Variants in ERI2 observed in about 807,000 individuals in gnomAD.
ERI2 encodes ERI1 exoribonuclease 2.
A neutral mutation model predicts 46.8 loss-of-function variants in ERI2; 35 were observed. The ratio of observed to expected loss-of-function variants is 0.75; its 90% CI spans 0.57 to 0.99. The LOEUF (loss-of-function observed/expected upper bound fraction) is 0.99. Among genes scored for constraint, ERI2 ranks in the 50% least tolerant of loss-of-function variants. The pLI, the probability that ERI2 is intolerant of heterozygous loss-of-function variation, is 0.00. For synonymous variants in ERI2, 224 were observed against 271.0 expected (o/e 0.83, Z 1.70); for missense variants, 695 against 796.2 (o/e 0.87, Z 1.53).
downstream of ERI2, chr16:20,791,938 A>G: frequency 1.4e-5 from 22 of 1,583,014 alleles, no homozygotes; most frequent in Non-Finnish European, 1.8e-5. Flanking sequence ...AAAAAAAAAA[A>G]AAAATTCCAA....
At chr16:20,799,548 A>G (rs1340888614) in intron 7 of ERI2, 197 bp from the exon 8 acceptor site, 1 of 577,158 alleles carries the variant, frequency 1.7e-6, no homozygotes, top group African/African-American at 1.9e-5. Context: ...CCAGTGAAAG[A>G]CAAGCTCGTC....
intron 4 of ERI2, among the ~76,000 whole-genome samples, chr16:20,802,286 G>A (rs1417874098): frequency 2.6e-5 from 4 of 151,986 alleles, no homozygotes; most frequent in Non-Finnish European, 5.9e-5. Context: ...AGGTTGCAGT[G>A]AGCCCCGCCA....
At chr16:20,799,461 A>G (rs964784040) in intron 7 of ERI2, 110 bp from the exon 8 acceptor site, 60 of 1,057,890 alleles carry the variant, frequency 5.7e-5, no homozygotes, top group Middle Eastern at 2.1e-4. Flanking sequence ...ATTGGAACAC[A>G]GTTTTAGTTT....
chr16:20,801,315 C>A lies in ERI2; in HGVS notation c.348G>T (p.Gln116His), dbSNP rs768081722. The A allele has an allele frequency of 6.8e-6, 11 of 1,609,854 alleles. No homozygotes were observed. ...EGVPLKICLSQFCKWIHKIQQ... is the reference protein window; with the variant it reads ...EGVPLKICLSHFCKWIHKIQQ... The stretch of plus-strand genomic sequence containing the variant: ...GAATCTTATGAATCCATTTACAGAA[C>A]TGAGATAAGCAAATCTTCAGAGGGA... The change falls in exon 5 of 9, where the codon CAG becomes CAT. Residue 116 changes from glutamine (Q) to histidine (H), a missense_variant. Physicochemically the swap from Gln to His is conservative, Grantham distance 24. Transcript: ENST00000357967.
At chr16:20,803,359 T>TC in intron 3 of ERI2, 74 bp downstream of exon 3, 3 of 1,495,752 alleles carry the variant, frequency 2.0e-6, no homozygotes, top group Non-Finnish European at 2.7e-6. Flanking sequence ...CTTAAACTTT[T>TC]GGCTGATTCA....
At chr16:20,804,947 A>G (rs2080839807) in intron 1 of ERI2, among the ~76,000 whole-genome samples, 1 of 152,180 alleles carries the variant, frequency 6.6e-6, no homozygotes, top group South Asian at 2.1e-4. Flanking sequence ...TTTCCTACCT[A>G]TATTTTATGG....
At chr16:20,794,512 T>G (rs1254484387), downstream of ERI2, among the ~76,000 whole-genome samples, 1 of 152,188 alleles carries the variant, frequency 6.6e-6, no homozygotes, top group Non-Finnish European at 1.5e-5. Flanking sequence ...TAAATTGAAA[T>G]AGACACACGT....
At chr16:20,792,514 C>T (rs1182652156), downstream of ERI2, 1 of 984,926 alleles carries the variant, frequency 1.0e-6, no homozygotes, top group African/African-American at 1.7e-5. Context: ...TGAGTTGCAG[C>T]TCTGATCCTA....
intron 10 of ERI2, among the ~76,000 whole-genome samples, chr16:20,783,069 T>C (rs1377925700): frequency 6.6e-6 from 1 of 152,190 alleles, no homozygotes; most frequent in Non-Finnish European, 1.5e-5. Context: ...GAGGTGAGGC[T>C]GAAAGTGCCA....
chr16:20,799,892 AT>A (rs1367348885), intron 7 of ERI2, 64 bp downstream of exon 7: 1 of 988,248 alleles, frequency 1.0e-6, no homozygotes, highest in Non-Finnish European at 1.6e-6. Context: ...TTACCAAAAA[AT>A]GAAATTCATA....
intron 10 of ERI2, among the ~76,000 whole-genome samples, chr16:20,787,145 A>G (rs1313627728): frequency 1.3e-5 from 2 of 152,222 alleles, no homozygotes; most frequent in African/African-American, 4.8e-5. Flanking sequence ...GGAACTTAAC[A>G]CTAATTTGGA....
Position 20,798,364 on chromosome 16 carries a change from G to A in ERI2, c.1436C>T (p.Pro479Leu), listed in dbSNP as rs1475944250. ...ETSKSIVYKSPHTTIYNVKEA... is the reference protein window; with the variant it reads ...ETSKSIVYKSLHTTIYNVKEA... Reference sequence around the variant, plus strand: ...TTTTACATTATAAATAGTAGTGTGAGGACTCTTGTACACAATAGACTTAGA... The same window carrying A: ...TTTTACATTATAAATAGTAGTGTGAAGACTCTTGTACACAATAGACTTAGA... Residue 479 changes from proline (P) to leucine (L), a missense_variant, in exon 9 of 9, where the codon CCT becomes CTT. Physicochemically the swap from Pro to Leu is moderately conservative, Grantham distance 98. Coordinates refer to ENST00000357967, the MANE Select transcript of ERI2 (RefSeq NM_001142725.2). The A allele has an allele frequency of 3.2e-6, 5 of 1,551,282 alleles. No individual in the cohort carries two copies. The highest frequency in any genetic ancestry group is 4.4e-6 in the Non-Finnish European group (5 of 1,146,892).
At chr16:20,801,401 C>G in intron 4 of ERI2, 42 bp from the exon 5 acceptor site, 1 of 1,533,254 alleles carries the variant, frequency 6.5e-7, no homozygotes, top group East Asian at 2.3e-5. Flanking sequence ...CAATCAAATT[C>G]CATTATTATT....
In ERI2 at chr16:20,798,317, C is replaced by G. The variant is rs199803824; in HGVS notation, c.1483G>C (p.Asp495His). 171 of 1,551,424 alleles carry G rather than the reference C, an allele frequency of 1.1e-4. No homozygotes were observed. Among genetic ancestry groups the G allele is most frequent in the Non-Finnish European group, 6.8e-5 (78 of 1,146,904 alleles). Residue 495 changes from aspartate (D) to histidine (H), a missense_variant, in exon 9 of 9, where the codon GAT (aspartate) becomes CAT (histidine). Asp to His is a moderately conservative substitution (Grantham distance 81). Coordinates refer to ENST00000357967, the MANE Select transcript of ERI2 (RefSeq NM_001142725.2). ...TCAGGTAACTTAAAGGCAGAAATATCTGAACCTGGATCTTTGGCTTCTTTT... is the reference window on the plus strand; with the variant it reads ...TCAGGTAACTTAAAGGCAGAAATATGTGAACCTGGATCTTTGGCTTCTTTT... The part of the protein sequence containing the change: ...NVKEAKDPGS[D>H]ISAFKLPEHK...
chr16:20,799,421 C>G, intron 7 of ERI2, 70 bp from the exon 8 acceptor site: 1 of 1,418,760 alleles, frequency 7.0e-7, no homozygotes, highest in South Asian at 1.3e-5. Flanking sequence ...AAAGAAATAA[C>G]TTAAAAAGAA....
chr16:20,780,451 T>C, exon 11 of ERI2: 2 of 652,214 alleles, frequency 3.1e-6, no homozygotes, highest in South Asian at 4.3e-5. Flanking sequence ...TAAAAATGCT[T>C]CAATCCTTCT....
At chr16:20,791,970 A>C, downstream of ERI2, 1 of 1,609,936 alleles carries the variant, frequency 6.2e-7, no homozygotes, top group Non-Finnish European at 8.5e-7. Flanking sequence ...AGTTGGATTC[A>C]CCATAACAAC....
At chr16:20,792,875 A>T (rs1283596519), downstream of ERI2, among the ~76,000 whole-genome samples, 1 of 152,206 alleles carries the variant, frequency 6.6e-6, no homozygotes, top group South Asian at 2.1e-4. Context: ...GGCTGACCAC[A>T]CAGTATTTTG....
Position 20,797,032 on chromosome 16 carries a change from A to C in ERI2, c.*692T>G. 2.5e-6 allele frequency: 4 copies of C among 1,580,926 alleles called. No homozygotes were observed. The South Asian group carries it at 4.8e-5, about 19-fold the overall frequency. On this transcript the variant is annotated 3_prime_UTR_variant, in exon 9 of 9. Coordinates refer to ENST00000357967, the MANE Select transcript of ERI2 (RefSeq NM_001142725.2). ...ACATAGTATCTGTCAATCTCTAGAA[A>C]CCACAAGATGATGGAGAGGTCATAA...
Sources: allele counts gnomAD v4.1 joint callset (sites outside exome capture counted in the v4.1 genomes callset), GRCh38; gene constraint gnomAD v4.1.1; transcripts MANE v1.5; gene names NCBI Gene and HGNC (gene_info 2026-07-23, HGNC 2026-07-21).